The following DAP3 variants were observed in gnomAD, a reference collection of about 807,000 sequenced individuals.
The protein encoded by DAP3 is death associated protein 3, also known as small ribosomal subunit protein mS29.
A neutral mutation model predicts 51.9 loss-of-function variants in DAP3; 28 were observed. The ratio of observed to expected loss-of-function variants is 0.54; its 90% CI spans 0.40 to 0.74. The LOEUF (loss-of-function observed/expected upper bound fraction) is 0.74, where lower values mean the gene tolerates loss of function less well. Among genes scored for constraint, DAP3 ranks in the 30% least tolerant of loss-of-function variants. The pLI, the probability that DAP3 is intolerant of heterozygous loss-of-function variation, is 0.00. For synonymous variants in DAP3, 170 were observed against 170.3 expected, an observed-to-expected ratio of 1.00 and a Z score of 0.01; for missense variants, 458 against 483.5, an observed-to-expected ratio of 0.95 and a Z score of 0.49.
At chr1:155,735,819 G>A (rs951244781) in intron 11 of DAP3, among the ~76,000 whole-genome samples, 24 of 146,754 alleles carry the variant, frequency 1.6e-4, no homozygotes, top group Non-Finnish European at 3.0e-4. Context: ...TTACAGGCAC[G>A]CATCACCACG....
At chr1:155,728,719 G>A (rs979886066) in intron 7 of DAP3, among the ~76,000 whole-genome samples, 2 of 152,038 alleles carry the variant, frequency 1.3e-5, no homozygotes, top group African/African-American at 4.8e-5. Context: ...AATTAGCCAG[G>A]CGTGGTGACA....
chr1:155,719,193 A>T (rs1657692813), intron 3 of DAP3, among the ~76,000 whole-genome samples: 1 of 151,094 alleles, frequency 6.6e-6, no homozygotes. Flanking sequence ...GGAGTTCTAG[A>T]CTAGCCTAGG....
At chr1:155,724,954 C>CA (rs916345572) in intron 4 of DAP3, among the ~76,000 whole-genome samples, 111 of 94,038 alleles carry the variant, frequency 1.2e-3, no homozygotes, top group Admixed American at 1.6e-3. Context: ...AACTCCGTCT[C>CA]AAAAAAAAAA....
Position 155,720,324 on chromosome 1 carries a change from C to CAAAAAA in DAP3, c.169-1170_169-1165dup, listed in dbSNP as rs61252469. ...TGGTAAACCGAGCAAGATCTTGTCTCAAAAAAAAAAAAAAAAAAAAAAAAA... is the reference window on the plus strand; with the variant it reads ...TGGTAAACCGAGCAAGATCTTGTCTCAAAAAAAAAAAAAAAAAAAAAAAAAAAAAAA... On this transcript the variant is annotated intron_variant, in intron 3 of 12. Transcript: ENST00000368336. Among the ~76,000 whole-genome samples, 57 of 32,806 alleles carry CAAAAAA rather than the reference C, an allele frequency of 1.7e-3. 5 individuals carry two copies. Among genetic ancestry groups the CAAAAAA allele is most frequent in the African/African-American group, 5.8e-3 (44 of 7,640 alleles). 21.5% of individuals were successfully genotyped at this position (32,806 alleles called of 152,430 possible).
At chr1:155,705,230 G>GCC (rs1655803177) in intron 1 of DAP3, among the ~76,000 whole-genome samples, 1 of 152,078 alleles carries the variant, frequency 6.6e-6, no homozygotes, top group Admixed American at 6.6e-5. Flanking sequence ...AGGCTGCAGT[G>GCC]AGCTGTGATT....
intron 12 of DAP3, 67 bp from the exon 13 acceptor site, chr1:155,738,090 C>T (rs1461594869): frequency 5.3e-6 from 8 of 1,510,664 alleles, no homozygotes; most frequent in African/African-American, 1.4e-5. Context: ...TCTGACTACA[C>T]GATATTCTGG....
At chr1:155,729,467 C>T in intron 9 of DAP3, 101 bp downstream of exon 9, 1 of 1,438,830 alleles carries the variant, frequency 7.0e-7, no homozygotes, top group South Asian at 1.4e-5. Flanking sequence ...TGTTTTCTTG[C>T]CCTAGGAATA....
intron 3 of DAP3, 67 bp downstream of exon 3, chr1:155,717,195 A>T: frequency 6.3e-7 from 1 of 1,578,848 alleles, no homozygotes; most frequent in Non-Finnish European, 8.6e-7. Context: ...CTCATTTTGC[A>T]TAGGAAAACT....
intron 3 of DAP3, among the ~76,000 whole-genome samples, chr1:155,719,816 G>A (rs1657777122): frequency 6.6e-6 from 1 of 152,090 alleles, no homozygotes; most frequent in African/African-American, 2.4e-5. Context: ...CATAGTGCTG[G>A]GATGACAGGC....
intron 1 of DAP3, among the ~76,000 whole-genome samples, chr1:155,708,635 A>G (rs1421922049): frequency 6.7e-6 from 1 of 149,252 alleles, no homozygotes; most frequent in Non-Finnish European, 1.5e-5. Context: ...TCTGGATGCA[A>G]GCAATCCTCC....
intron 3 of DAP3, among the ~76,000 whole-genome samples, chr1:155,720,324 C>CAAAAAAAAAAAA (rs61252469): frequency 1.8e-4 from 6 of 32,808 alleles, no homozygotes; most frequent in African/African-American, 7.9e-4. Flanking sequence ...GATCTTGTCT[C>CAAAAAAAAAAAA]AAAAAAAAAA....
At chr1:155,736,420 TTTTTTTTG>T (rs2101528190) in intron 11 of DAP3, among the ~76,000 whole-genome samples, 1 of 151,836 alleles carries the variant, frequency 6.6e-6, no homozygotes, top group South Asian at 2.1e-4. Context: ...AGCATTGCCT[TTTTTTTTG>T]TGTGTGTAGA....
At chr1:155,711,268 A>C (rs1558350465) in intron 2 of DAP3, among the ~76,000 whole-genome samples, 2 of 152,284 alleles carry the variant, frequency 1.3e-5, no homozygotes, top group Non-Finnish European at 2.9e-5. Flanking sequence ...CGAGGCAGGC[A>C]GATCACCTGA....
intron 2 of DAP3, among the ~76,000 whole-genome samples, chr1:155,711,881 C>T (rs985882154): frequency 3.3e-5 from 5 of 151,336 alleles, no homozygotes; most frequent in African/African-American, 1.2e-4. Context: ...AGCTGAAGAA[C>T]TTGGAGTCCA....
At chr1:155,721,683 G>T (rs1326872958) in intron 4 of DAP3, 65 bp downstream of exon 4, 3 of 1,454,220 alleles carry the variant, frequency 2.1e-6, no homozygotes, top group Non-Finnish European at 9.5e-7. Context: ...GCAAAGGGGT[G>T]GGGCTAAATG....
intron 10 of DAP3, 112 bp downstream of exon 10, chr1:155,731,527 GTTA>G (rs1264558105): frequency 1.9e-6 from 2 of 1,052,204 alleles, no homozygotes; most frequent in Middle Eastern, 2.0e-4. Flanking sequence ...TGGACAGTAA[GTTA>G]TTATGTCTTA....
upstream of DAP3, chr1:155,688,331 C>A: frequency 1.9e-6 from 3 of 1,551,516 alleles, no homozygotes; most frequent in Non-Finnish European, 2.6e-6. Flanking sequence ...GCGGCGGCAG[C>A]GGCGGCAGCA....
At chr1:155,692,256 A>G (rs1257902218) in intron 1 of DAP3, among the ~76,000 whole-genome samples, 1 of 141,636 alleles carries the variant, frequency 7.1e-6, no homozygotes, top group Non-Finnish European at 1.5e-5. Context: ...GAGCATGGGA[A>G]CATAATGGCG....
rs1276055790 is a variant in DAP3 at position 155,694,246 on chromosome 1, A to G, written c.-8+5072A>G. On this transcript the variant is annotated intron_variant, in intron 1 of 12. Transcript: ENST00000368336. ...AGGGGAACTGATAACCCATGGACATATTTATTAACATTCCTTCCTCCTCTG... is the reference window on the plus strand; with the variant it reads ...AGGGGAACTGATAACCCATGGACATGTTTATTAACATTCCTTCCTCCTCTG... Among the ~76,000 whole-genome samples, 23 of 141,284 alleles carry G rather than the reference A, an allele frequency of 1.6e-4. 6 individuals are homozygous for G. The highest frequency in any genetic ancestry group is 7.5e-4 in the African/African-American group (23 of 30,828). 92.7% of individuals were successfully genotyped at this position (141,284 alleles called of 152,430 possible).
Sources: allele counts gnomAD v4.1 joint callset (sites outside exome capture counted in the v4.1 genomes callset), GRCh38; gene constraint gnomAD v4.1.1; transcripts MANE v1.5; gene names NCBI Gene and HGNC (gene_info 2026-07-23, HGNC 2026-07-21).